The following ARHGEF3 variants were observed in gnomAD, a reference collection of about 807,000 sequenced individuals.
ARHGEF3 encodes 59.8 kDA protein.
Under a neutral mutation model 63.2 loss-of-function variants are expected in ARHGEF3, and 28 were observed. The ratio of observed to expected loss-of-function variants is 0.44; its 90% CI spans 0.33 to 0.61. ARHGEF3 has a LOEUF of 0.61. Among genes scored for constraint, ARHGEF3 ranks in the 20% least tolerant of loss-of-function variants. The probability of loss-of-function intolerance (pLI) is 0.03; values close to 1 mark genes in which losing one functional copy is unlikely to be tolerated. For missense variants in ARHGEF3, 533 were observed against 659.3 expected (o/e 0.81, Z 2.10); for synonymous variants, 266 against 254.2 (o/e 1.05, Z -0.44).
At chr3:56,857,285 G>A (rs1001844495) in intron 4 of ARHGEF3, among the ~76,000 whole-genome samples, 4 of 151,936 alleles carry the variant, frequency 2.6e-5, no homozygotes, top group Non-Finnish European at 5.9e-5. Flanking sequence ...CCTATTTTCC[G>A]CAACTATTCA....
intron 8 of ARHGEF3, among the ~76,000 whole-genome samples, chr3:56,735,446 A>C (rs946728807): frequency 6.6e-6 from 1 of 152,164 alleles, no homozygotes; most frequent in Non-Finnish European, 1.5e-5. Flanking sequence ...GTGAAAAAAA[A>C]ACCCACAAGC....
At chr3:56,967,811 ATAT>A (rs1298030978) in intron 2 of ARHGEF3, among the ~76,000 whole-genome samples, 3 of 70,026 alleles carry the variant, frequency 4.3e-5, no homozygotes, top group East Asian at 5.2e-4. Context: ...TATATAATAT[ATAT>A]TATATAATAT....
At chr3:56,880,585 G>A (rs1447591805) in intron 4 of ARHGEF3, among the ~76,000 whole-genome samples, 5 of 152,176 alleles carry the variant, frequency 3.3e-5, no homozygotes, top group Admixed American at 3.3e-4. Flanking sequence ...TTGAAGTCTT[G>A]CCTGAGTCAT....
chr3:57,073,633 T>C, intron 1 of ARHGEF3: 1 of 1,542,356 alleles, frequency 6.5e-7, no homozygotes, highest in Non-Finnish European at 8.7e-7. Flanking sequence ...TCCTCAGGGA[T>C]TGGCTCCGGC....
chr3:56,977,476 C>A, intron 2 of ARHGEF3: 1 of 360,100 alleles, frequency 2.8e-6, no homozygotes, highest in Middle Eastern at 7.3e-4. Context: ...ACTCGGGAGC[C>A]CTGATTCTGG....
In ARHGEF3 at chr3:56,929,059, G is replaced by C. The variant is rs1025135782; in HGVS notation, c.129+29764C>G. Reference sequence around the variant, plus strand: ...CTACTATGTGCACACTGTGAGAAAAGGGGCATCCTCTGCATTAAAGAGAGA... The same window carrying C: ...CTACTATGTGCACACTGTGAGAAAACGGGCATCCTCTGCATTAAAGAGAGA... On this transcript the variant is annotated intron_variant, in intron 3 of 12. Transcript: ENST00000338458. Among the ~76,000 whole-genome samples the C allele has an allele frequency of 3.9e-4, 59 of 152,152 alleles. 3 individuals are homozygous for C.
At chr3:56,771,068 G>A (rs891274126) in intron 2 of ARHGEF3, among the ~76,000 whole-genome samples, 9 of 150,914 alleles carry the variant, frequency 6.0e-5, no homozygotes, top group East Asian at 5.9e-4. Context: ...AGCTGAGATC[G>A]CGCCACTGCA....
intron 2 of ARHGEF3, among the ~76,000 whole-genome samples, chr3:56,962,716 C>A (rs1700334815): frequency 6.6e-6 from 1 of 152,092 alleles, no homozygotes; most frequent in African/African-American, 2.4e-5. Flanking sequence ...CCACAAGCTC[C>A]CCACCCTTGG....
At chr3:57,032,596 A>G (rs567211311) in intron 2 of ARHGEF3, among the ~76,000 whole-genome samples, 1 of 152,214 alleles carries the variant, frequency 6.6e-6, no homozygotes, top group Non-Finnish European at 1.5e-5. Context: ...ATGGGGAGAA[A>G]CAACACAACT....
At chr3:57,061,092 T>C (rs1705198396) in intron 1 of ARHGEF3, among the ~76,000 whole-genome samples, 1 of 152,198 alleles carries the variant, frequency 6.6e-6, no homozygotes, top group African/African-American at 2.4e-5. Flanking sequence ...TTTGTTGTCA[T>C]TCTAAACAGA....
chr3:56,810,967 A>T (rs906700611), intron 4 of ARHGEF3, among the ~76,000 whole-genome samples: 2 of 152,244 alleles, frequency 1.3e-5, no homozygotes, highest in Non-Finnish European at 2.9e-5. Flanking sequence ...ACAAATCTTC[A>T]GTCCTGAGGT....
Position 56,981,092 on chromosome 3 carries a change from T to A in ARHGEF3, c.63-22203A>T, listed in dbSNP as rs1025390709. On this transcript the variant is annotated intron_variant, in intron 2 of 12. Transcript: ENST00000338458. Reference sequence around the variant, plus strand: ...CAGAGTCGCCAAGGAGCAATCCCTGTCTTCCCTCCCCATCTTCCTGGGGAA... The same window carrying A: ...CAGAGTCGCCAAGGAGCAATCCCTGACTTCCCTCCCCATCTTCCTGGGGAA... Among the ~76,000 whole-genome samples the A allele has an allele frequency of 2.0e-5, 3 of 152,350 alleles. No homozygotes were observed. In the South Asian group the frequency reaches 6.2e-4, roughly 32 times the overall value.
At chr3:56,887,361 G>T (rs1000886426) in intron 3 of ARHGEF3, among the ~76,000 whole-genome samples, 6 of 152,144 alleles carry the variant, frequency 3.9e-5, no homozygotes, top group Non-Finnish European at 8.8e-5. Context: ...CTCCTGCCTT[G>T]GGAGGCTACA....
chr3:56,889,775 T>C (rs915019347), intron 3 of ARHGEF3, among the ~76,000 whole-genome samples: 4 of 152,172 alleles, frequency 2.6e-5, no homozygotes, highest in African/African-American at 9.7e-5. Context: ...AAATATTTGT[T>C]TCATGGCTGG....
chr3:57,014,628 T>TAAC (rs1283983120), intron 2 of ARHGEF3, among the ~76,000 whole-genome samples: 1 of 152,290 alleles, frequency 6.6e-6, no homozygotes, highest in East Asian at 1.9e-4. Context: ...ATAAACAGAT[T>TAAC]AACAGTTAAC....
chr3:56,794,968 C>G (rs2037274576), intron 1 of ARHGEF3, among the ~76,000 whole-genome samples: 1 of 152,088 alleles, frequency 6.6e-6, no homozygotes, highest in African/African-American at 2.4e-5. Flanking sequence ...CAGCAATTCT[C>G]CCACCTCAGC....
intron 3 of ARHGEF3, among the ~76,000 whole-genome samples, chr3:56,904,887 C>T (rs2041636440): frequency 6.6e-6 from 1 of 152,232 alleles, no homozygotes; most frequent in South Asian, 2.1e-4. Flanking sequence ...TCTGGCTCCT[C>T]TGGTTCAGAG....
intron 1 of ARHGEF3, chr3:57,078,677 CT>C (rs1454859091): frequency 6.6e-6 from 1 of 152,232 alleles, no homozygotes; most frequent in African/African-American, 2.4e-5. Flanking sequence ...CTCAGGCAGG[CT>C]GGGACGGCGC....
At chr3:56,741,184 C>CTTTTTTTTT (rs10662620) in intron 7 of ARHGEF3, among the ~76,000 whole-genome samples, 2 of 128,872 alleles carry the variant, frequency 1.6e-5, no homozygotes, top group Admixed American at 8.5e-5. Flanking sequence ...TGCTTTGGTT[C>CTTTTTTTTT]TTTTTTTTTT....
Sources: gnomAD v4.1 joint callset for allele counts (sites outside exome capture counted in the v4.1 genomes callset) on GRCh38, gnomAD v4.1.1 for gene constraint, MANE v1.5 for transcripts, NCBI Gene and HGNC (gene_info 2026-07-23, HGNC 2026-07-21) for gene names.